Variants in RBFOX1 observed in about 807,000 individuals in gnomAD.
The protein encoded by RBFOX1 is RNA binding protein fox-1 homolog 1.
In RBFOX1, 8 loss-of-function variants were observed where a neutral mutation model predicts 57.7. The observed-to-expected ratio is 0.14, with a 90% CI of 0.08 to 0.25. The LOEUF is 0.25. RBFOX1 is among the 10% of genes least tolerant of loss of function. The probability of loss-of-function intolerance (pLI) is 1.00; values close to 1 mark genes in which losing one functional copy is unlikely to be tolerated. For synonymous variants in RBFOX1, 326 were observed against 222.4 expected, an observed-to-expected ratio of 1.47 and a Z score of -4.15; for missense variants, 611 against 548.5, an observed-to-expected ratio of 1.11 and a Z score of -1.14.
intron 3 of RBFOX1, among the ~76,000 whole-genome samples, chr16:6,896,962 T>G (rs966954862): frequency 1.3e-5 from 2 of 152,186 alleles, no homozygotes; most frequent in African/African-American, 2.4e-5. Context: ...AGAATGCAGC[T>G]GACAGGCCGT....
At chr16:7,626,082 A>T (rs1398299332) in intron 10 of RBFOX1, among the ~76,000 whole-genome samples, 1 of 152,380 alleles carries the variant, frequency 6.6e-6, no homozygotes, top group East Asian at 1.9e-4. Flanking sequence ...AGCTGAGTCC[A>T]GAAAGGAGTT....
At chr16:6,955,435 G>A (rs1334503294) in intron 3 of RBFOX1, among the ~76,000 whole-genome samples, 1 of 151,732 alleles carries the variant, frequency 6.6e-6, no homozygotes, top group Admixed American at 6.6e-5. Context: ...TTATGAGAAC[G>A]TTGTTCTGTG....
intron 1 of RBFOX1, among the ~76,000 whole-genome samples, chr16:5,437,569 C>T (rs56409376): frequency 3.3e-5 from 5 of 152,060 alleles, no homozygotes; most frequent in African/African-American, 1.2e-4. Context: ...TGGATGCAAA[C>T]TTAAAAATTG....
Position 6,110,205 on chromosome 16 carries a change from T to TTC in RBFOX1, c.-127+90214_-127+90215insCT, listed in dbSNP as rs1475764377. The stretch of plus-strand genomic sequence containing the variant: ...CTGTATTTTCTTCTTCTTTTTTTTT[T>TTC]TTTTTTAGTTCATTATTCTTTTAGC... On this transcript the variant is annotated intron_variant, in intron 1 of 15. Transcript: ENST00000550418. Among the ~76,000 whole-genome samples, 45 of 150,606 alleles carry TTC rather than the reference T, an allele frequency of 3.0e-4. 1 individual carries two copies. Among genetic ancestry groups the TTC allele is most frequent in the Non-Finnish European group, 5.3e-4 (36 of 67,652 alleles).
At chr16:6,674,554 T>A (rs1053150001) in intron 3 of RBFOX1, among the ~76,000 whole-genome samples, 1 of 152,118 alleles carries the variant, frequency 6.6e-6, no homozygotes, top group African/African-American at 2.4e-5. Flanking sequence ...ACTCCTGACC[T>A]CAAGTGATCC....
intron 1 of RBFOX1, among the ~76,000 whole-genome samples, chr16:6,223,783 A>C (rs1043092377): frequency 6.6e-6 from 1 of 152,186 alleles, no homozygotes; most frequent in African/African-American, 2.4e-5. Flanking sequence ...GCCCATGTCT[A>C]TGTCTTGAAT....
At position 6,177,763 on chromosome 16, in the gene RBFOX1, G is replaced by A. The variant is rs145254253; in HGVS notation, c.-126-139232G>A. On this transcript the variant is annotated intron_variant, in intron 1 of 15. Coordinates refer to ENST00000550418, the MANE Select transcript of RBFOX1 (RefSeq NM_018723.4). ...ATTACGAATGAGTACACCCAAGCACGCAGTCGGTTAAGGAGACTTTCATAC... is the reference window on the plus strand; with the variant it reads ...ATTACGAATGAGTACACCCAAGCACACAGTCGGTTAAGGAGACTTTCATAC... Among the ~76,000 whole-genome samples the A allele has an allele frequency of 5.4e-3, 820 of 152,100 alleles. 4 individuals are homozygous for A. The highest frequency in any genetic ancestry group is 0.019 in the African/African-American group (773 of 41,494).
chr16:7,533,497 C>T (rs1459008636), intron 5 of RBFOX1, among the ~76,000 whole-genome samples: 1 of 152,166 alleles, frequency 6.6e-6, no homozygotes, highest in Non-Finnish European at 1.5e-5. Flanking sequence ...CCCAATAAAT[C>T]CATCACAAGT....
intron 2 of RBFOX1, among the ~76,000 whole-genome samples, chr16:6,360,732 G>C (rs1043881335): frequency 1.3e-5 from 2 of 152,110 alleles, no homozygotes; most frequent in African/African-American, 4.8e-5. Flanking sequence ...ATGTATGCTC[G>C]AATGTTAAGA....
chr16:5,367,216 G>T (rs2065741451), intron 1 of RBFOX1, among the ~76,000 whole-genome samples: 1 of 152,046 alleles, frequency 6.6e-6, no homozygotes, highest in Non-Finnish European at 1.5e-5. Context: ...TCATGTGAAG[G>T]GCATTACAAG....
chr16:7,006,661 T>A (rs1053962524), intron 3 of RBFOX1, among the ~76,000 whole-genome samples: 2 of 152,288 alleles, frequency 1.3e-5, no homozygotes, highest in Middle Eastern at 3.4e-3. Context: ...ATGCTCATTC[T>A]GATCTTGAAC....
In RBFOX1 at chr16:6,925,109, G is replaced by GTTTTTTTTTTTTTTTTTTTTTT. The variant is rs57556084; in HGVS notation, c.-15-126927_-15-126906dup. ...TCGTTGTTGGACATCTAGGTTGTTG[G>GTTTTTTTTTTTTTTTTTTTTTT]TTTTTTTTTTTTTTTTTTTTTTTTT... On this transcript the variant is annotated intron_variant, in intron 3 of 15. Coordinates refer to ENST00000550418, the MANE Select transcript of RBFOX1 (RefSeq NM_018723.4). 2.9e-4 allele frequency among the ~76,000 whole-genome samples: 13 copies of GTTTTTTTTTTTTTTTTTTTTTT among 45,248 alleles called. 4 individuals carry two copies. Among genetic ancestry groups the GTTTTTTTTTTTTTTTTTTTTTT allele is most frequent in the African/African-American group, 8.8e-4 (10 of 11,330 alleles). 29.7% of individuals were successfully genotyped at this position (45,248 alleles called of 152,430 possible).
chr16:6,977,155 A>AT (rs1555704301), intron 3 of RBFOX1, among the ~76,000 whole-genome samples: 9 of 136,718 alleles, frequency 6.6e-5, no homozygotes, highest in African/African-American at 2.2e-4. Flanking sequence ...TATATCATAT[A>AT]TATCATATAT....
intron 4 of RBFOX1, among the ~76,000 whole-genome samples, chr16:7,286,736 G>T (rs749086136): frequency 6.8e-6 from 1 of 147,324 alleles, no homozygotes; most frequent in Non-Finnish European, 1.5e-5. Flanking sequence ...CCATTCTCCC[G>T]CCTCAGCCTC....
chr16:7,105,065 G>T (rs191265467), intron 4 of RBFOX1, among the ~76,000 whole-genome samples: 13 of 152,156 alleles, frequency 8.5e-5, no homozygotes, highest in Admixed American at 7.9e-4. Context: ...CATTCTTCTA[G>T]CTGAGCCCTT....
intron 3 of RBFOX1, among the ~76,000 whole-genome samples, chr16:6,778,228 A>G (rs1250610213): frequency 6.6e-6 from 1 of 152,162 alleles, no homozygotes; most frequent in African/African-American, 2.4e-5. Flanking sequence ...AGTAAATTAA[A>G]ACATTAATTT....
At chr16:6,934,914 T>C (rs899176209) in intron 3 of RBFOX1, among the ~76,000 whole-genome samples, 106 of 152,138 alleles carry the variant, frequency 7.0e-4, no homozygotes, top group East Asian at 1.9e-4. Flanking sequence ...GGTGAAACCC[T>C]GTCTCTACCA....
rs1919047 is a variant in RBFOX1, at chr16:5,359,789, G to A, written c.220-107427G>A. Among the ~76,000 whole-genome samples, 737 of 152,124 alleles carry A rather than the reference G, an allele frequency of 4.8e-3. 2 individuals are homozygous for A. Among genetic ancestry groups the A allele is most frequent in the Middle Eastern group, 0.034 (10 of 294 alleles). ...TTGGTTGCCTTTCATATGAATTTTCGGGGAGTCATAGTTTAGCATTTAACA... is the reference window on the plus strand; with the variant it reads ...TTGGTTGCCTTTCATATGAATTTTCAGGGAGTCATAGTTTAGCATTTAACA... On this transcript the variant is annotated intron_variant, in intron 1 of 2. Coordinates refer to the RBFOX1 transcript ENST00000585867.
At chr16:6,709,893 T>C (rs981220338) in intron 3 of RBFOX1, among the ~76,000 whole-genome samples, 1 of 152,176 alleles carries the variant, frequency 6.6e-6, no homozygotes, top group African/African-American at 2.4e-5. Context: ...CGGGGGCTAC[T>C]GGCCAGATGG....
Sources: allele counts gnomAD v4.1 joint callset (sites outside exome capture counted in the v4.1 genomes callset), GRCh38; gene constraint gnomAD v4.1.1; transcripts MANE v1.5; gene names NCBI Gene and HGNC (gene_info 2026-07-23, HGNC 2026-07-21).